Variants in DPP6 observed in about 807,000 individuals in gnomAD.
The protein encoded by DPP6 is A-type potassium channel modulatory protein DPP6.
Under a neutral mutation model 122.6 loss-of-function variants are expected in DPP6, and 69 were observed. That is an observed-to-expected ratio of 0.56 (90% CI 0.46 to 0.69). The LOEUF (loss-of-function observed/expected upper bound fraction) is 0.69. Ranked by LOEUF, DPP6 falls within the 30% of genes least tolerant of loss-of-function variation. The pLI is 0.00. For synonymous variants in DPP6, 418 were observed against 433.1 expected, an observed-to-expected ratio of 0.97 and a Z score of 0.43; for missense variants, 928 against 1,116.9, an observed-to-expected ratio of 0.83 and a Z score of 2.41.
At chr7:154,557,776 C>T (rs2337393) in intron 4 of DPP6, among the ~76,000 whole-genome samples, 40,911 of 151,386 alleles carry the variant, frequency 0.27, 5,794 homozygotes, top group Admixed American at 0.35. Flanking sequence ...TACTGCAGCA[C>T]GAAGGGGAAA....
the DPP6 span, among the ~76,000 whole-genome samples, chr7:153,824,784 G>T: frequency 6.6e-6 from 1 of 152,144 alleles, no homozygotes; most frequent in African/African-American, 2.4e-5. Flanking sequence ...ATTCATGAAG[G>T]TTTTCTCTTA....
rs60245069 is a variant in DPP6, at chr7:154,252,235, T to TGTGTGTGC, written c.244-193978_244-193977insTGTGTGCG. ...TCACGTGTGTGTGTGTGTGTGTGTG[T>TGTGTGTGC]GCGCGCATGCGCACGGTGGTGGTGG... is the stretch of plus-strand genomic sequence containing the variant. On this transcript the variant is annotated intron_variant, in intron 1 of 25. Transcript: ENST00000377770. Among the ~76,000 whole-genome samples the TGTGTGTGC allele has an allele frequency of 1.3e-4, 20 of 149,448 alleles. No homozygotes were observed. In the East Asian group the frequency reaches 2.7e-3, roughly 20 times the overall value.
At chr7:154,766,762 C>T (rs373211467) in intron 8 of DPP6, among the ~76,000 whole-genome samples, 9 of 152,230 alleles carry the variant, frequency 5.9e-5, no homozygotes, top group Non-Finnish European at 1.3e-4. Context: ...CCTTCACCCA[C>T]ATTTTTTTCA....
chr7:154,157,940 A>T (rs543141149), intron 1 of DPP6, among the ~76,000 whole-genome samples: 22 of 149,206 alleles, frequency 1.5e-4, no homozygotes, highest in East Asian at 5.9e-4. Context: ...TCTCAAAAAA[A>T]ATATATACAT....
At chr7:154,365,607 T>G (rs1314575173) in intron 1 of DPP6, among the ~76,000 whole-genome samples, 5 of 152,188 alleles carry the variant, frequency 3.3e-5, no homozygotes. Flanking sequence ...ACAGCACAGA[T>G]ACCCTAATTA....
intron 16 of DPP6, among the ~76,000 whole-genome samples, chr7:154,834,480 GAAAAACAAAAAC>G (rs10595720): frequency 6.0e-5 from 9 of 150,004 alleles, no homozygotes; most frequent in South Asian, 2.1e-4. Flanking sequence ...CCATCTCAAA[GAAAAACAAAAAC>G]AAAAACAAAA....
intron 1 of DPP6, among the ~76,000 whole-genome samples, chr7:154,033,136 C>T (rs1001502750): frequency 4.0e-5 from 6 of 151,108 alleles, no homozygotes; most frequent in Admixed American, 1.3e-4. Flanking sequence ...CATTTATTTG[C>T]CCAGTACCCC....
intron 1 of DPP6, among the ~76,000 whole-genome samples, chr7:154,306,327 T>C (rs1257022401): frequency 6.6e-6 from 1 of 152,178 alleles, no homozygotes; most frequent in East Asian, 1.9e-4. Flanking sequence ...ACATCGTAAT[T>C]CCCTCCTTGG....
At chr7:153,888,846 C>T (rs1019724637) in intron 1 of DPP6, among the ~76,000 whole-genome samples, 2 of 151,852 alleles carry the variant, frequency 1.3e-5, no homozygotes, top group African/African-American at 4.8e-5. Flanking sequence ...GGGCAAGGTC[C>T]AGAGTTGTTT....
At chr7:154,385,247 C>A (rs1048648426) in intron 1 of DPP6, among the ~76,000 whole-genome samples, 1 of 152,092 alleles carries the variant, frequency 6.6e-6, no homozygotes, top group African/African-American at 2.4e-5. Flanking sequence ...TTCTTTCTTG[C>A]ATTATGCATT....
At position 154,885,767 on chromosome 7, in the gene DPP6, G is replaced by A. The variant is rs1306838405; in HGVS notation, c.2245+23G>A. On this transcript the variant is annotated intron_variant, in intron 22 of 25. Transcript: ENST00000377770. Reference sequence around the variant, plus strand: ...ATGGTAAATAGCCCTGCAGGACCAAGCGACGGGCTCTGCTCCCGCCCCGCC... The same window carrying A: ...ATGGTAAATAGCCCTGCAGGACCAAACGACGGGCTCTGCTCCCGCCCCGCC... 5 of 1,563,658 alleles carry A rather than the reference G, an allele frequency of 3.2e-6. No individual in the cohort carries two copies. In the African/African-American group the frequency reaches 6.8e-5, roughly 21 times the overall value.
chr7:154,382,149 G>T (rs1813679327), intron 1 of DPP6, among the ~76,000 whole-genome samples: 1 of 149,608 alleles, frequency 6.7e-6, no homozygotes, highest in South Asian at 2.1e-4. Context: ...GCAGATGCAG[G>T]TTTGCTTGCG....
At chr7:153,853,096 C>T in the DPP6 span, among the ~76,000 whole-genome samples, 2 of 152,128 alleles carry the variant, frequency 1.3e-5, no homozygotes, top group Non-Finnish European at 2.9e-5. Flanking sequence ...TCAGCCTAGG[C>T]ACAAAAGGAA....
At chr7:154,664,419 C>G (rs1184524601) in intron 6 of DPP6, among the ~76,000 whole-genome samples, 6 of 152,194 alleles carry the variant, frequency 3.9e-5, no homozygotes, top group Admixed American at 3.9e-4. Context: ...ATCTAACAAA[C>G]TGAATTTCAA....
intron 7 of DPP6, among the ~76,000 whole-genome samples, chr7:154,717,466 A>T (rs1157207904): frequency 6.6e-6 from 1 of 152,046 alleles, no homozygotes; most frequent in Non-Finnish European, 1.5e-5. Context: ...AATGTTTTAG[A>T]TGCCACATAT....
chr7:154,694,919 C>T (rs775938856), intron 7 of DPP6, among the ~76,000 whole-genome samples: 1 of 152,138 alleles, frequency 6.6e-6, no homozygotes, highest in African/African-American at 2.4e-5. Context: ...GCACACACAC[C>T]ACCCATGCCA....
intron 3 of DPP6, among the ~76,000 whole-genome samples, chr7:154,531,657 TA>T (rs1827847336): frequency 6.6e-6 from 1 of 152,234 alleles, no homozygotes; most frequent in African/African-American, 2.4e-5. Flanking sequence ...TTTGACTTTT[TA>T]ATTTTAATTT....
At chr7:154,360,649 T>C (rs1371635642) in intron 1 of DPP6, among the ~76,000 whole-genome samples, 1 of 152,224 alleles carries the variant, frequency 6.6e-6, no homozygotes, top group Non-Finnish European at 1.5e-5. Flanking sequence ...GATGGTTGGC[T>C]TGTGTTAGGT....
chr7:153,990,289 C>A (rs1252666507), intron 1 of DPP6, among the ~76,000 whole-genome samples: 1 of 111,826 alleles, frequency 8.9e-6, no homozygotes, highest in Non-Finnish European at 1.7e-5. Flanking sequence ...CCGCCCCTGC[C>A]ACCCACATGG....
Sources: gnomAD v4.1 joint callset for allele counts (sites outside exome capture counted in the v4.1 genomes callset) on GRCh38, gnomAD v4.1.1 for gene constraint, MANE v1.5 for transcripts, NCBI Gene and HGNC (gene_info 2026-07-23, HGNC 2026-07-21) for gene names.